SLC14A2: variants seen among roughly 807,000 people sequenced by gnomAD.
SLC14A2 encodes urea transporter 2.
SLC14A2 carries 91 observed loss-of-function variants against 104.6 expected under a neutral mutation model. That is an observed-to-expected ratio of 0.87 (90% CI 0.73 to 1.04). SLC14A2 has a LOEUF of 1.04. Among genes scored for constraint, SLC14A2 ranks in the 50% least tolerant of loss-of-function variants. SLC14A2 has a pLI of 0.00. For missense variants in SLC14A2, 1,189 were observed against 1,156.0 expected (o/e 1.03, Z -0.41); for synonymous variants, 476 against 466.4 (o/e 1.02, Z -0.27).
chr18:45,260,359 T>C (rs2144096771), intron 1 of SLC14A2, among the ~76,000 whole-genome samples: 1 of 152,274 alleles, frequency 6.6e-6, no homozygotes, highest in East Asian at 1.9e-4. Context: ...GGAAGAAAGA[T>C]CTTACAGAGA....
intron 1 of SLC14A2, among the ~76,000 whole-genome samples, chr18:45,262,473 G>A (rs567361136): frequency 1.0e-3 from 153 of 152,220 alleles, no homozygotes; most frequent in Middle Eastern, 3.4e-3. Context: ...ATTCTGGTCC[G>A]GACTCTCATT....
At chr18:45,217,439 C>CTATAT (rs2084020676) in intron 1 of SLC14A2, among the ~76,000 whole-genome samples, 1 of 151,686 alleles carries the variant, frequency 6.6e-6, no homozygotes, top group African/African-American at 2.4e-5. Context: ...TTATAGTAGC[C>CTATAT]ACAGTGGGTT....
At chr18:45,177,554 T>C in the SLC14A2 span, among the ~76,000 whole-genome samples, 2 of 152,170 alleles carry the variant, frequency 1.3e-5, no homozygotes, top group Non-Finnish European at 2.9e-5. Flanking sequence ...TTCCCGCATC[T>C]GGAATGCTCT....
chr18:45,278,033 T>C (rs1183908997), intron 1 of SLC14A2, among the ~76,000 whole-genome samples: 2 of 152,144 alleles, frequency 1.3e-5, no homozygotes, highest in Non-Finnish European at 2.9e-5. Context: ...GTCAAACTCA[T>C]GTATAGTTAG....
chr18:45,674,244 T>C (rs566631265), intron 18 of SLC14A2, among the ~76,000 whole-genome samples: 48 of 152,318 alleles, frequency 3.2e-4, no homozygotes, highest in African/African-American at 1.2e-3. Flanking sequence ...TGAACATCCT[T>C]TATTTCTTGA....
At chr18:45,396,832 C>G (rs1398221750) in intron 1 of SLC14A2, among the ~76,000 whole-genome samples, 1 of 151,986 alleles carries the variant, frequency 6.6e-6, no homozygotes, top group African/African-American at 2.4e-5. Flanking sequence ...ACCCTCCACC[C>G]TCAAGTAGAC....
intron 2 of SLC14A2, among the ~76,000 whole-genome samples, chr18:45,576,525 C>T (rs943763495): frequency 6.6e-6 from 1 of 151,750 alleles, no homozygotes; most frequent in Non-Finnish European, 1.5e-5. Flanking sequence ...CCTCATGATC[C>T]ACCTGCCTCG....
intron 1 of SLC14A2, among the ~76,000 whole-genome samples, chr18:45,344,460 T>C (rs1364490510): frequency 6.6e-6 from 1 of 152,072 alleles, no homozygotes; most frequent in Non-Finnish European, 1.5e-5. Context: ...CTAAAACAAC[T>C]CACAGAACTC....
chr18:45,480,653 C>G (rs889594067), intron 1 of SLC14A2, among the ~76,000 whole-genome samples: 5 of 152,166 alleles, frequency 3.3e-5, no homozygotes, highest in Non-Finnish European at 7.3e-5. Flanking sequence ...CAGAGCTCCC[C>G]TTACATGCCT....
chr18:45,547,696 A>C (rs1447173526), intron 2 of SLC14A2, among the ~76,000 whole-genome samples: 1 of 152,234 alleles, frequency 6.6e-6, no homozygotes, highest in African/African-American at 2.4e-5. Context: ...GATAATGTCT[A>C]GGAGATGATG....
intron 1 of SLC14A2, among the ~76,000 whole-genome samples, chr18:45,390,601 T>C (rs905334381): frequency 1.4e-5 from 2 of 142,350 alleles, no homozygotes; most frequent in Non-Finnish European, 3.1e-5. Context: ...GAGAGAATAA[T>C]AAAAGATGCA....
At chr18:45,270,327 T>C (rs537863015) in intron 1 of SLC14A2, among the ~76,000 whole-genome samples, 1 of 152,082 alleles carries the variant, frequency 6.6e-6, no homozygotes, top group African/African-American at 2.4e-5. Flanking sequence ...AGTTAAGATA[T>C]TCTCCTGGGA....
intron 1 of SLC14A2, among the ~76,000 whole-genome samples, chr18:45,358,876 C>A (rs2085582163): frequency 6.6e-6 from 1 of 152,040 alleles, no homozygotes; most frequent in South Asian, 2.1e-4. Context: ...CCATGCCCAG[C>A]CTCTTTCCCC....
At chr18:45,212,695 A>G (rs1178642773), upstream of SLC14A2, among the ~76,000 whole-genome samples, 2 of 152,226 alleles carry the variant, frequency 1.3e-5, no homozygotes, top group Non-Finnish European at 2.9e-5. Flanking sequence ...TCACAACCGC[A>G]TAGGTAATCA....
intron 1 of SLC14A2, among the ~76,000 whole-genome samples, chr18:45,280,828 C>T (rs1461936365): frequency 6.6e-6 from 1 of 152,172 alleles, no homozygotes; most frequent in South Asian, 2.1e-4. Flanking sequence ...AGAGGTAGAC[C>T]TGGGAAATGC....
chr18:45,528,424 C>T (rs1337319086), intron 2 of SLC14A2: 2 of 152,100 alleles, frequency 1.3e-5, no homozygotes, highest in African/African-American at 2.4e-5. Flanking sequence ...TGTCACTTTA[C>T]CTGGACTAAA....
chr18:45,246,311 G>A (rs1227750028), intron 1 of SLC14A2, among the ~76,000 whole-genome samples: 1 of 152,110 alleles, frequency 6.6e-6, no homozygotes, highest in African/African-American at 2.4e-5. Context: ...CTGTGAGGAA[G>A]TAAATTTCTG....
intron 2 of SLC14A2, among the ~76,000 whole-genome samples, chr18:45,573,600 G>GAAACA (rs1223328438): frequency 6.6e-6 from 1 of 152,200 alleles, no homozygotes; most frequent in African/African-American, 2.4e-5. Flanking sequence ...TAATACATTA[G>GAAACA]AAACAATTCA....
At chr18:45,439,486 C>T (rs1386416228) in intron 1 of SLC14A2, among the ~76,000 whole-genome samples, 1 of 152,046 alleles carries the variant, frequency 6.6e-6, no homozygotes, top group Non-Finnish European at 1.5e-5. Flanking sequence ...CAATGAACAG[C>T]TATTTATTGC....
Sources: allele counts gnomAD v4.1 joint callset (sites outside exome capture counted in the v4.1 genomes callset), GRCh38; gene constraint gnomAD v4.1.1; transcripts MANE v1.5; gene names NCBI Gene and HGNC (gene_info 2026-07-23, HGNC 2026-07-21).